Variants in PDE1A observed in about 807,000 individuals in gnomAD.
PDE1A encodes dual specificity calcium/calmodulin-dependent 3',5'-cyclic nucleotide phosphodiesterase 1A.
In PDE1A, 35 loss-of-function variants were observed where a neutral mutation model predicts 61.7. The ratio of observed to expected loss-of-function variants is 0.57; its 90% CI spans 0.43 to 0.75. The LOEUF (loss-of-function observed/expected upper bound fraction) is 0.75. Ranked by LOEUF, PDE1A falls within the 30% of genes least tolerant of loss-of-function variation. PDE1A has a pLI of 0.00. For synonymous variants in PDE1A, 232 were observed against 213.2 expected, an observed-to-expected ratio of 1.09 and a Z score of -0.77; for missense variants, 597 against 630.6, an observed-to-expected ratio of 0.95 and a Z score of 0.57.
At chr2:182,472,942 A>AT (rs770560215) in intron 2 of PDE1A, among the ~76,000 whole-genome samples, 20 of 69,438 alleles carry the variant, frequency 2.9e-4, no homozygotes, top group African/African-American at 6.1e-4. Context: ...AATTTTATTA[A>AT]TTTTTTTTTT....
chr2:182,264,173 A>G, intron 2 of PDE1A, 128 bp downstream of exon 2: 1 of 566,576 alleles, frequency 1.8e-6, no homozygotes, highest in Non-Finnish European at 3.2e-6. Flanking sequence ...TCAAATTTTA[A>G]TAAGATTTGA....
upstream of PDE1A, among the ~76,000 whole-genome samples, chr2:182,525,912 C>T (rs572365908): frequency 6.0e-5 from 9 of 150,914 alleles, no homozygotes; most frequent in South Asian, 1.0e-3. Flanking sequence ...AGTTAATATA[C>T]CTGAAAAAAG....
At chr2:182,265,560 T>A (rs1015612298) in intron 1 of PDE1A, among the ~76,000 whole-genome samples, 3 of 152,150 alleles carry the variant, frequency 2.0e-5, no homozygotes, top group African/African-American at 7.2e-5. Context: ...AGGACTCAGC[T>A]AGATGCCTGA....
the PDE1A span, among the ~76,000 whole-genome samples, chr2:182,630,093 T>C: frequency 1.3e-5 from 2 of 152,206 alleles, no homozygotes; most frequent in Admixed American, 1.3e-4. Flanking sequence ...TCTTTGTCTA[T>C]TATAGTATTA....
intron 13 of PDE1A, among the ~76,000 whole-genome samples, chr2:182,171,413 T>C (rs973991746): frequency 3.3e-5 from 5 of 152,122 alleles, no homozygotes; most frequent in African/African-American, 9.6e-5. Context: ...ATCAGGCTTT[T>C]GCTTTGTTGA....
At chr2:182,599,563 G>A in the PDE1A span, among the ~76,000 whole-genome samples, 1 of 152,094 alleles carries the variant, frequency 6.6e-6, no homozygotes, top group Admixed American at 6.5e-5. Context: ...CCACCACAAT[G>A]TGCTTCTCTG....
chr2:182,262,049 G>A (rs1202884396), intron 2 of PDE1A, among the ~76,000 whole-genome samples: 8 of 152,002 alleles, frequency 5.3e-5, no homozygotes, highest in Non-Finnish European at 8.8e-5. Context: ...TTGCACTTTG[G>A]ATTCTGTTTA....
At chr2:182,356,531 CTG>C (rs1699190679) in intron 1 of PDE1A, among the ~76,000 whole-genome samples, 2 of 152,050 alleles carry the variant, frequency 1.3e-5, no homozygotes, top group South Asian at 4.1e-4. Flanking sequence ...AGGCGGATCA[CTG>C]GAGCTCAGGA....
At chr2:182,453,365 T>G (rs888763109) in intron 2 of PDE1A, among the ~76,000 whole-genome samples, 1 of 151,900 alleles carries the variant, frequency 6.6e-6, no homozygotes, top group Non-Finnish European at 1.5e-5. Flanking sequence ...GACAACTCCA[T>G]AGCCAAATTG....
chr2:182,269,090 A>G (rs1692832971), intron 1 of PDE1A, among the ~76,000 whole-genome samples: 1 of 152,220 alleles, frequency 6.6e-6, no homozygotes, highest in South Asian at 2.1e-4. Flanking sequence ...TATAAACAAC[A>G]TTATGCCAAT....
At chr2:182,613,236 T>C in the PDE1A span, among the ~76,000 whole-genome samples, 1 of 152,200 alleles carries the variant, frequency 6.6e-6, no homozygotes, top group Non-Finnish European at 1.5e-5. Flanking sequence ...AAGGATTCAT[T>C]TATTTATTCT....
intron 2 of PDE1A, among the ~76,000 whole-genome samples, chr2:182,494,812 A>T (rs116101555): frequency 6.6e-6 from 1 of 152,306 alleles, no homozygotes; most frequent in African/African-American, 2.4e-5. Flanking sequence ...GAAAGGAATT[A>T]GGAGAAACAG....
At chr2:182,602,992 CACATACATACATACATACAT>C in the PDE1A span, among the ~76,000 whole-genome samples, 3 of 130,390 alleles carry the variant, frequency 2.3e-5, no homozygotes, top group Non-Finnish European at 5.1e-5. Flanking sequence ...CACACACACA[CACATACATACATACATACAT>C]ACATACATAC....
the PDE1A span, among the ~76,000 whole-genome samples, chr2:182,626,866 TATATACATATATATATAC>T: frequency 2.1e-5 from 1 of 46,926 alleles, no homozygotes. Context: ...TATACATATA[TATATACATATATATATAC>T]ACATATATAT....
intron 10 of PDE1A, 63 bp downstream of exon 10, chr2:182,201,376 G>A (rs1231116234): frequency 1.3e-6 from 2 of 1,580,626 alleles, no homozygotes; most frequent in African/African-American, 1.4e-5. Flanking sequence ...TACAGAAAAG[G>A]TGTACGCTAA....
intron 1 of PDE1A, among the ~76,000 whole-genome samples, chr2:182,330,208 G>A (rs1168727417): frequency 6.6e-6 from 1 of 151,996 alleles, no homozygotes; most frequent in Non-Finnish European, 1.5e-5. Flanking sequence ...GCTGGGCATG[G>A]TGGCGCGAGC....
intron 13 of PDE1A, among the ~76,000 whole-genome samples, chr2:182,183,477 T>C (rs1365492201): frequency 6.6e-6 from 1 of 152,138 alleles, no homozygotes; most frequent in Non-Finnish European, 1.5e-5. Flanking sequence ...TGTGGTAGAA[T>C]CAACTTGGAA....
At chr2:182,144,656 G>A (rs571764149), downstream of PDE1A, among the ~76,000 whole-genome samples, 42 of 152,026 alleles carry the variant, frequency 2.8e-4, no homozygotes, top group African/African-American at 7.7e-4. Context: ...GCCAGGCTGC[G>A]ATAACATCTA....
chr2:182,283,891 A>G (rs567429071), intron 1 of PDE1A, among the ~76,000 whole-genome samples: 1 of 152,260 alleles, frequency 6.6e-6, no homozygotes, highest in South Asian at 2.1e-4. Flanking sequence ...ACCTCATTTT[A>G]ACATCTTTTT....
Sources: allele counts gnomAD v4.1 joint callset (sites outside exome capture counted in the v4.1 genomes callset), GRCh38; gene constraint gnomAD v4.1.1; transcripts MANE v1.5; gene names NCBI Gene and HGNC (gene_info 2026-07-23, HGNC 2026-07-21).